The following DDX31 variants were observed in gnomAD, a reference collection of about 807,000 sequenced individuals.
DDX31 encodes DEAD-box helicase 31.
A neutral mutation model predicts 91.3 loss-of-function variants in DDX31; 70 were observed. That is an observed-to-expected ratio of 0.77 (90% CI 0.63 to 0.94). The LOEUF (loss-of-function observed/expected upper bound fraction) is 0.94, where lower values mean the gene tolerates loss of function less well. Ranked by LOEUF, DDX31 falls within the 40% of genes least tolerant of loss-of-function variation. The pLI is 0.00. For synonymous variants in DDX31, 362 were observed against 350.6 expected, an observed-to-expected ratio of 1.03 and a Z score of -0.36; for missense variants, 902 against 925.0, an observed-to-expected ratio of 0.98 and a Z score of 0.32.
intron 9 of DDX31, among the ~76,000 whole-genome samples, chr9:132,649,502 G>A (rs2130783617): frequency 2.0e-5 from 3 of 152,312 alleles, no homozygotes; most frequent in Middle Eastern, 6.8e-3. Context: ...CCCCGACACT[G>A]GAGCACCAGG....
intron 19 of DDX31, among the ~76,000 whole-genome samples, chr9:132,608,192 A>G (rs182347202): frequency 6.6e-6 from 1 of 152,278 alleles, no homozygotes; most frequent in Non-Finnish European, 1.5e-5. Flanking sequence ...TATTTTACCG[A>G]CAGCACCAAC....
rs890219428 is a variant in DDX31, at chr9:132,669,605, C to T, written c.75+255G>A. On this transcript the variant is annotated intron_variant, in intron 1 of 19. Transcript: ENST00000372159. The stretch of plus-strand genomic sequence containing the variant: ...AAACAGCCTCTAATTCCTTCCTTTA[C>T]TTTTCTAGGCGCAGGAGCCAGCTCC... 6.6e-6 allele frequency: 10 copies of T among 1,515,246 alleles called. No homozygotes were observed. The African/African-American group carries it at 1.1e-4, about 17-fold the overall frequency. 93.9% of individuals were successfully genotyped at this position (1,515,246 alleles called of 1,614,324 possible).
chr9:132,668,038 A>C (rs1387037974), intron 1 of DDX31, among the ~76,000 whole-genome samples: 1 of 152,136 alleles, frequency 6.6e-6, no homozygotes, highest in Non-Finnish European at 1.5e-5. Context: ...CAGCATCCGA[A>C]TCCCAAGTGT....
chr9:132,640,735 T>A (rs1455982549), intron 14 of DDX31, among the ~76,000 whole-genome samples: 2 of 152,196 alleles, frequency 1.3e-5, no homozygotes, highest in African/African-American at 4.8e-5. Flanking sequence ...CGTGAACTCC[T>A]GGGCTCAAGC....
At chr9:132,619,176 T>C (rs914539296) in intron 17 of DDX31, among the ~76,000 whole-genome samples, 2 of 152,232 alleles carry the variant, frequency 1.3e-5, no homozygotes, top group Admixed American at 6.5e-5. Flanking sequence ...TTTTCATCCT[T>C]TAACAGTACC....
chr9:132,599,787 G>A (rs995391714), intron 19 of DDX31, among the ~76,000 whole-genome samples: 1 of 152,202 alleles, frequency 6.6e-6, no homozygotes, highest in African/African-American at 2.4e-5. Context: ...TAATCTGAAC[G>A]AGGCTGCTTA....
At chr9:132,613,125 T>C (rs185485270) in intron 18 of DDX31, among the ~76,000 whole-genome samples, 1 of 152,180 alleles carries the variant, frequency 6.6e-6, no homozygotes, top group East Asian at 1.9e-4. Flanking sequence ...CAGGTGGTCC[T>C]CCCGCCTCAG....
Position 132,627,242 on chromosome 9 carries a change from A to G in DDX31, c.1632-1497T>C, listed in dbSNP as rs920598934. ...TAAATATGCCACAGAACAGTAAGGCAGTGTTCTCAAATGCGTGTGCTGATA... is the reference window on the plus strand; with the variant it reads ...TAAATATGCCACAGAACAGTAAGGCGGTGTTCTCAAATGCGTGTGCTGATA... On this transcript the variant is annotated intron_variant, in intron 16 of 19. Transcript: ENST00000372159. Among the ~76,000 whole-genome samples, 9 of 152,242 alleles carry G rather than the reference A, an allele frequency of 5.9e-5. 1 individual carries two copies. The highest frequency in any genetic ancestry group is 3.2e-3 in the Middle Eastern group (1 of 316).
Position 132,641,940 on chromosome 9 carries a change from G to A in DDX31, c.1440+64C>T, listed in dbSNP as rs540059801. The A allele has an allele frequency of 3.4e-4, 530 of 1,537,956 alleles. 6 individuals carry two copies. The South Asian group carries it at 4.7e-3, about 14-fold the overall frequency. ...ACCACAGGACAAACTGTCAAGAGAC[G>A]AAAGATTACACAGCCATCACAGAAA... On this transcript the variant is annotated intron_variant, in intron 14 of 19. Transcript: ENST00000372159.
intron 18 of DDX31, among the ~76,000 whole-genome samples, chr9:132,617,772 T>C (rs1175115226): frequency 6.6e-6 from 1 of 152,234 alleles, no homozygotes; most frequent in Non-Finnish European, 1.5e-5. Context: ...ACATCTAATG[T>C]ATGGTGATCC....
intron 6 of DDX31, among the ~76,000 whole-genome samples, chr9:132,654,809 G>A (rs1834443388): frequency 6.6e-6 from 1 of 151,824 alleles, no homozygotes; most frequent in Non-Finnish European, 1.5e-5. Context: ...AGGCGGGCGT[G>A]GTGGTAGGCA....
chr9:132,642,762 A>G (rs1198686142), intron 13 of DDX31, among the ~76,000 whole-genome samples: 1 of 152,094 alleles, frequency 6.6e-6, no homozygotes, highest in Non-Finnish European at 1.5e-5. Context: ...GTGGTGAAAT[A>G]GTATTCAACT....
At chr9:132,625,055 G>T (rs539589744) in intron 17 of DDX31, among the ~76,000 whole-genome samples, 2 of 152,230 alleles carry the variant, frequency 1.3e-5, no homozygotes, top group Admixed American at 1.3e-4. Context: ...TAAGGGGGTG[G>T]GGTGGGGTGA....
chr9:132,644,670 C>A (rs931602662), intron 13 of DDX31, among the ~76,000 whole-genome samples: 1 of 152,362 alleles, frequency 6.6e-6, no homozygotes, highest in South Asian at 2.1e-4. Context: ...CAGCTCCCCC[C>A]AACCACGCTT....
chr9:132,646,350 T>C (rs1055470286), intron 12 of DDX31, among the ~76,000 whole-genome samples: 2 of 152,168 alleles, frequency 1.3e-5, no homozygotes, highest in African/African-American at 4.8e-5. Flanking sequence ...TCCGTTCCCT[T>C]TATTCGCCCA....
Position 132,594,937 on chromosome 9 carries a change from C to T in DDX31, c.2170G>A (p.Gly724Arg). 1 of 1,614,182 alleles carries T rather than the reference C, an allele frequency of 6.2e-7. No homozygotes were observed. The highest frequency in any genetic ancestry group is 8.5e-7 in the Non-Finnish European group (1 of 1,180,036). Residue 724 changes from glycine to arginine, a missense_variant, in exon 20 of 20, where the codon GGG becomes AGG. Gly to Arg is a moderately radical substitution (Grantham distance 125). Coordinates refer to ENST00000372159, the MANE Select transcript of DDX31 (RefSeq NM_022779.9). ...SLQPTPCFGR[G>R]KTLKWRKTQK... ...GTTTTTCTCCATTTTAATGTTTTCC[C>T]ACGGCCAAAGCAGGGTGTCGGCTGC...
At chr9:132,598,391 T>C (rs1235548928) in intron 19 of DDX31, among the ~76,000 whole-genome samples, 1 of 152,208 alleles carries the variant, frequency 6.6e-6, no homozygotes, top group Non-Finnish European at 1.5e-5. Flanking sequence ...ATGGCCTTCC[T>C]GAGCATCCAC....
chr9:132,605,293 G>A (rs1021869209), intron 19 of DDX31, among the ~76,000 whole-genome samples: 6 of 152,142 alleles, frequency 3.9e-5, no homozygotes, highest in African/African-American at 1.4e-4. Flanking sequence ...CTGGGCATTC[G>A]GGTTGAGCAT....
intron 17 of DDX31, among the ~76,000 whole-genome samples, chr9:132,622,134 C>T (rs1832068098): frequency 6.6e-6 from 1 of 152,132 alleles, no homozygotes; most frequent in Non-Finnish European, 1.5e-5. Context: ...CTCTACAGGG[C>T]ACTTTATACC....
Sources: allele counts gnomAD v4.1 joint callset (sites outside exome capture counted in the v4.1 genomes callset), GRCh38; gene constraint gnomAD v4.1.1; transcripts MANE v1.5; gene names NCBI Gene and HGNC (gene_info 2026-07-23, HGNC 2026-07-21).